Variants in CBL observed in about 807,000 individuals in gnomAD.
CBL encodes Cbl proto-oncogene.
CBL carries 45 observed loss-of-function variants against 96.9 expected under a neutral mutation model. That is an observed-to-expected ratio of 0.46 (90% confidence interval 0.37 to 0.60). The LOEUF is 0.60. Ranked by LOEUF, CBL falls within the 20% of genes least tolerant of loss-of-function variation. The probability of loss-of-function intolerance (pLI) is 0.00; values close to 1 mark genes in which losing one functional copy is unlikely to be tolerated. For synonymous variants in CBL, 420 were observed against 426.8 expected (o/e 0.98, Z 0.20); for missense variants, 1,024 against 1,143.5 (o/e 0.90, Z 1.51).
At chr11:119,280,262 G>A (rs1040856431) in intron 9 of CBL, among the ~76,000 whole-genome samples, 2 of 152,208 alleles carry the variant, frequency 1.3e-5, no homozygotes, top group Non-Finnish European at 2.9e-5. Context: ...TGATAGAGGG[G>A]AGGTTATAAT....
chr11:119,288,370 G>A (rs1028832972), intron 12 of CBL, among the ~76,000 whole-genome samples: 1 of 152,166 alleles, frequency 6.6e-6, no homozygotes, highest in Non-Finnish European at 1.5e-5. Flanking sequence ...GAGTTCTGGA[G>A]GCTGGAAGTC....
At chr11:119,258,965 T>G (rs193052326) in intron 2 of CBL, among the ~76,000 whole-genome samples, 1 of 152,224 alleles carries the variant, frequency 6.6e-6, no homozygotes, top group Non-Finnish European at 1.5e-5. Context: ...AGCAGTGTTT[T>G]GTCATTCTCC....
At chr11:119,285,824 A>C (rs1949980976) in intron 11 of CBL, among the ~76,000 whole-genome samples, 1 of 151,960 alleles carries the variant, frequency 6.6e-6, no homozygotes, top group South Asian at 2.1e-4. Context: ...TGGGCCCAGG[A>C]GGCCAAGCTT....
rs539284165 is a variant in CBL at position 119,304,914 on chromosome 11, C to T, written c.*5133C>T. ...TGCTAAGATTACAGGCGTGAGCCAC[C>T]GCGCCCGGCCCATACTTCGTATTCT... is the stretch of plus-strand genomic sequence containing the variant. On this transcript the variant is annotated 3_prime_UTR_variant, in exon 16 of 16. Transcript: ENST00000264033. The T allele has an allele frequency of 3.1e-4, 61 of 193,910 alleles. 1 individual carries two copies. In the East Asian group the frequency reaches 4.5e-3, roughly 14 times the overall value. The allele number at this position is 193,910 out of a possible 1,614,324, so 12.0% of individuals were successfully genotyped here.
At chr11:119,236,006 C>A (rs1949543023) in intron 2 of CBL, among the ~76,000 whole-genome samples, 1 of 151,922 alleles carries the variant, frequency 6.6e-6, no homozygotes, top group South Asian at 2.1e-4. Context: ...TGCGAATGAT[C>A]TTTGTGGTCT....
intron 12 of CBL, among the ~76,000 whole-genome samples, chr11:119,296,348 A>G (rs375302319): frequency 9.2e-5 from 14 of 152,066 alleles, no homozygotes; most frequent in South Asian, 8.3e-4. Context: ...CTTGTTTCCA[A>G]AGTTTCTGGG....
Position 119,296,924 on chromosome 11 carries a change from TC to T in CBL, c.2045del (p.Pro682LeufsTer20). 1.3e-6 allele frequency: 2 copies of T among 1,562,854 alleles called. No homozygotes were observed. The highest frequency in any genetic ancestry group is 1.8e-6 in the Non-Finnish European group (2 of 1,133,276). ...AIYSLAARPL[P>X]VPKLPPGEQC... Reference sequence around the variant, plus strand: ...TTTATTCTTCATCTTCCAGACCTCTTCCTGTGCCAAAACTGCCACCTGGGGA... The same window carrying T: ...TTTATTCTTCATCTTCCAGACCTCTTCTGTGCCAAAACTGCCACCTGGGGA... On this transcript the variant is annotated frameshift_variant, in exon 13 of 16. Transcript: ENST00000264033. LOFTEE classifies it high-confidence loss of function.
At chr11:119,298,563 G>T (rs767095831) in intron 15 of CBL, 23 bp downstream of exon 15, 3 of 1,611,088 alleles carry the variant, frequency 1.9e-6, no homozygotes, top group Admixed American at 3.3e-5. Context: ...ACTACTTTGG[G>T]TTTGTCCTGA....
chr11:119,271,983 G>GA, intron 3 of CBL, 102 bp downstream of exon 3: 1 of 1,104,634 alleles, frequency 9.1e-7, no homozygotes, highest in East Asian at 2.4e-5. Flanking sequence ...GGAACTCTGA[G>GA]AAAAGTAATA....
intron 1 of CBL, among the ~76,000 whole-genome samples, chr11:119,227,401 C>G (rs922098093): frequency 2.0e-5 from 3 of 152,092 alleles, no homozygotes; most frequent in African/African-American, 7.2e-5. Flanking sequence ...GTTGTTCGCT[C>G]TTTTTGGGCT....
chr11:119,273,598 T>C (rs1435096905), intron 3 of CBL, among the ~76,000 whole-genome samples: 1 of 152,160 alleles, frequency 6.6e-6, no homozygotes, highest in African/African-American at 2.4e-5. Context: ...TTTGTTTTTG[T>C]AGAGACAAAG....
chr11:119,296,428 A>G (rs1315289029), intron 12 of CBL, among the ~76,000 whole-genome samples: 1 of 152,234 alleles, frequency 6.6e-6, no homozygotes, highest in Non-Finnish European at 1.5e-5. Context: ...ATCTAGCCTC[A>G]GAATTTACGC....
chr11:119,278,064 A>G, intron 7 of CBL, 102 bp from the exon 8 acceptor site: 1 of 1,087,326 alleles, frequency 9.2e-7, no homozygotes, highest in Non-Finnish European at 1.4e-6. Context: ...ATTTTTATAT[A>G]AGCAAAATTT....
chr11:119,282,967 C>T (rs1259335608), intron 9 of CBL, among the ~76,000 whole-genome samples: 1 of 151,558 alleles, frequency 6.6e-6, no homozygotes, highest in African/African-American at 2.4e-5. Flanking sequence ...TGTGGTGGCG[C>T]ACAGCTTGTC....
intron 1 of CBL, among the ~76,000 whole-genome samples, chr11:119,223,434 T>TGTTA (rs1163571882): frequency 6.6e-6 from 1 of 150,950 alleles, no homozygotes; most frequent in African/African-American, 2.4e-5. Context: ...TATTATGTTA[T>TGTTA]GTTATTTTAT....
At chr11:119,230,152 T>G (rs180833373) in intron 1 of CBL, among the ~76,000 whole-genome samples, 2 of 151,654 alleles carry the variant, frequency 1.3e-5, no homozygotes, top group East Asian at 1.9e-4. Context: ...TAGGTTTTTG[T>G]TTTTTGTTTT....
chr11:119,227,643 C>T (rs997506588), intron 1 of CBL, among the ~76,000 whole-genome samples: 5 of 151,862 alleles, frequency 3.3e-5, no homozygotes, highest in Admixed American at 6.6e-5. Context: ...CTCTGCCTCC[C>T]GGGTTCAAGC....
At chr11:119,274,303 A>G (rs1054253105) in intron 4 of CBL, among the ~76,000 whole-genome samples, 1 of 152,078 alleles carries the variant, frequency 6.6e-6, no homozygotes, top group Non-Finnish European at 1.5e-5. Context: ...TATCATTTTA[A>G]TGTTTGTAGA....
chr11:119,225,490 C>T (rs548773645), intron 1 of CBL, among the ~76,000 whole-genome samples: 1 of 152,234 alleles, frequency 6.6e-6, no homozygotes, highest in African/African-American at 2.4e-5. Flanking sequence ...CCTCAGCCTC[C>T]TAGGCTCAAT....
Sources: gnomAD v4.1 joint callset for allele counts (sites outside exome capture counted in the v4.1 genomes callset) on GRCh38, gnomAD v4.1.1 for gene constraint, MANE v1.5 for transcripts, NCBI Gene and HGNC (gene_info 2026-07-23, HGNC 2026-07-21) for gene names.